USP34: variants seen among roughly 807,000 people sequenced by gnomAD.
The protein encoded by USP34 is ubiquitin specific peptidase 34.
In USP34, 70 loss-of-function variants were observed where a neutral mutation model predicts 460.3. The ratio of observed to expected loss-of-function variants is 0.15; its 90% CI spans 0.13 to 0.19. The LOEUF is 0.19. USP34 is among the 10% of genes least tolerant of loss of function. The pLI is 1.00. For synonymous variants in USP34, 1,647 were observed against 1,405.3 expected (o/e 1.17, Z -3.85); for missense variants, 3,985 against 4,236.2 (o/e 0.94, Z 1.65).
intron 43 of USP34, among the ~76,000 whole-genome samples, chr2:61,262,085 C>T (rs1177025803): frequency 1.9e-4 from 5 of 26,378 alleles, no homozygotes; most frequent in Non-Finnish European, 2.8e-4. Context: ...AGCAAGACTT[C>T]GTCAAAAAAA....
At chr2:61,422,292 G>T (rs140994705) in intron 1 of USP34, among the ~76,000 whole-genome samples, 1 of 152,292 alleles carries the variant, frequency 6.6e-6, no homozygotes, top group Non-Finnish European at 1.5e-5. Flanking sequence ...AAAACAGAGG[G>T]AAGAGTGGCT....
At position 61,187,510 on chromosome 2, in the gene USP34, AAT is replaced by A. The variant is rs1285768228; in HGVS notation, c.*590_*591del. ...TAATTAAGTGCACAGAATAGCAATC[AAT>A]CAATCAGTCATGTCAATAAAAATAA... On this transcript the variant is annotated 3_prime_UTR_variant, in exon 80 of 80. Coordinates refer to ENST00000398571, the MANE Select transcript of USP34 (RefSeq NM_014709.4). 2 of 980,486 alleles carry A rather than the reference AAT, an allele frequency of 2.0e-6. No individual in the cohort carries two copies. The highest frequency in any genetic ancestry group is 2.4e-6 in the Non-Finnish European group (2 of 827,662). The allele number at this position is 980,486 out of a possible 1,614,324, so 60.7% of individuals were successfully genotyped here. A position where few individuals can be genotyped will look rare whatever the true frequency, so the allele number is the denominator to read the frequency against.
intron 38 of USP34, among the ~76,000 whole-genome samples, chr2:61,280,871 G>A (rs1239544422): frequency 1.3e-5 from 2 of 152,120 alleles, no homozygotes; most frequent in Non-Finnish European, 2.9e-5. Context: ...GAGTATCCAT[G>A]AGAGACCACA....
At chr2:61,199,574 C>A (rs1686908964) in intron 75 of USP34, among the ~76,000 whole-genome samples, 1 of 152,198 alleles carries the variant, frequency 6.6e-6, no homozygotes, top group Admixed American at 6.5e-5. Flanking sequence ...AGTCTTTAAT[C>A]CTCCTGGTAT....
chr2:61,244,849 C>A (rs975400977), intron 51 of USP34, among the ~76,000 whole-genome samples: 1 of 151,748 alleles, frequency 6.6e-6, no homozygotes, highest in African/African-American at 2.4e-5. Flanking sequence ...AGAGAGACTC[C>A]CTTGTCAAAG....
chr2:61,206,969 T>C (rs1426418473), intron 70 of USP34, 83 bp from the exon 71 acceptor site: 27 of 1,439,716 alleles, frequency 1.9e-5, no homozygotes, highest in Middle Eastern at 4.1e-4. Flanking sequence ...TCCTCTACGA[T>C]AGATGTTTTC....
intron 27 of USP34, among the ~76,000 whole-genome samples, chr2:61,308,806 C>G (rs575354090): frequency 6.6e-6 from 1 of 152,148 alleles, no homozygotes; most frequent in Admixed American, 6.5e-5. Context: ...TTTGGGAGGC[C>G]TAAGTGGGCA....
chr2:61,405,793 T>G lies in USP34; in HGVS notation c.467A>C (p.Lys156Thr), dbSNP rs1558575851. ...FSLWSTDEKE[K>T]LLLCVAKIFQ... Reference sequence around the variant, plus strand: ...AATTTTTGCCACACATAGTAAGAGTTTTTCCTTCTCATCTGTACTCCATAA... The same window carrying G: ...AATTTTTGCCACACATAGTAAGAGTGTTTCCTTCTCATCTGTACTCCATAA... The change falls in exon 3 of 80, where the codon AAA becomes ACA. Residue 156 changes from lysine to threonine, a missense_variant. By Grantham distance (78) the Lys-to-Thr change is moderately conservative. Around this residue, in one of 14 missense-constraint regions of USP34, gnomAD observed 331 missense variants for 293.7 expected, o/e 1.13. Coordinates refer to ENST00000398571, the MANE Select transcript of USP34 (RefSeq NM_014709.4). 1.2e-6 allele frequency: 2 copies of G among 1,609,454 alleles called. No homozygotes were observed. The highest frequency in any genetic ancestry group is 1.7e-6 in the Non-Finnish European group (2 of 1,178,832).
At chr2:61,453,565 C>T (rs1316318753) in intron 1 of USP34, among the ~76,000 whole-genome samples, 1 of 151,626 alleles carries the variant, frequency 6.6e-6, no homozygotes, top group Non-Finnish European at 1.5e-5. Flanking sequence ...CAAAAATTAG[C>T]CAGGCATGGT....
At chr2:61,209,382 C>T (rs967987660) in intron 69 of USP34, among the ~76,000 whole-genome samples, 6 of 152,138 alleles carry the variant, frequency 3.9e-5, no homozygotes, top group African/African-American at 1.2e-4. Context: ...ATACTAAAAA[C>T]GTGTCAGCCT....
chr2:61,387,842 T>C (rs957144487), intron 5 of USP34, among the ~76,000 whole-genome samples: 11 of 149,756 alleles, frequency 7.3e-5, no homozygotes, highest in African/African-American at 2.2e-4. Context: ...TTTTTACGTA[T>C]ACACACATGT....
chr2:61,270,314 G>A (rs1467189752), intron 41 of USP34, among the ~76,000 whole-genome samples: 1 of 152,198 alleles, frequency 6.6e-6, no homozygotes, highest in African/African-American at 2.4e-5. Flanking sequence ...AAGACTCCGT[G>A]AATCAAAAAG....
intron 1 of USP34, among the ~76,000 whole-genome samples, chr2:61,469,333 T>C (rs1174364104): frequency 6.6e-6 from 1 of 152,206 alleles, no homozygotes; most frequent in Non-Finnish European, 1.5e-5. Flanking sequence ...GTATGTGAGA[T>C]ATAAAACACA....
chr2:61,379,646 G>A (rs556198855), intron 7 of USP34, among the ~76,000 whole-genome samples: 3 of 152,358 alleles, frequency 2.0e-5, no homozygotes, highest in Admixed American at 1.3e-4. Flanking sequence ...CTAACAGACT[G>A]TTGTTATGCA....
In USP34 at chr2:61,257,367, G is replaced by A. The variant is rs146155370; in HGVS notation, c.5845-17C>T. 19 of 1,551,420 alleles carry A rather than the reference G, an allele frequency of 1.2e-5. No individual in the cohort carries two copies. In the African/African-American group the frequency reaches 1.9e-4, roughly 16 times the overall value. On this transcript the variant is annotated splice_polypyrimidine_tract_variant and intron_variant, in intron 44 of 79. Transcript: ENST00000398571. ...TTCACTCTCCTGCAAATAAAAAGGG[G>A]AACATTCTAAGTGTCAGATAAAAAT...
chr2:61,465,822 A>G (rs1558611911), intron 1 of USP34, among the ~76,000 whole-genome samples: 1 of 151,796 alleles, frequency 6.6e-6, no homozygotes, highest in Non-Finnish European at 1.5e-5. Context: ...CTAAATATAC[A>G]AAAAATTAGC....
chr2:61,317,443 C>G lies in USP34; in HGVS notation c.3282+211G>C, dbSNP rs1690784584. On this transcript the variant is annotated intron_variant, in intron 23 of 79. Transcript: ENST00000398571. ...TTCGGGGGCTGAGGCTAGAGAATCT[C>G]TTGAATCTGGGAGGTGGAGGTTGCA... Among the ~76,000 whole-genome samples the G allele has an allele frequency of 2.0e-5, 3 of 152,158 alleles. No homozygotes were observed. In the South Asian group the frequency reaches 6.2e-4, roughly 31 times the overall value.
intron 21 of USP34, among the ~76,000 whole-genome samples, chr2:61,323,132 C>T (rs764919479): frequency 3.9e-5 from 6 of 152,148 alleles, no homozygotes; most frequent in Non-Finnish European, 8.8e-5. Flanking sequence ...GTAATCCTAG[C>T]ACTTTGGGAA....
intron 1 of USP34, among the ~76,000 whole-genome samples, chr2:61,428,188 A>C (rs1485177819): frequency 1.3e-5 from 2 of 151,626 alleles, no homozygotes; most frequent in African/African-American, 2.4e-5. Flanking sequence ...AAAACTTCCA[A>C]ATCTTAAACA....
Sources: allele counts gnomAD v4.1 joint callset (sites outside exome capture counted in the v4.1 genomes callset), GRCh38; gene constraint gnomAD v4.1.1; regional missense constraint gnomAD v4.1.1; transcripts MANE v1.5; gene names NCBI Gene and HGNC (gene_info 2026-07-23, HGNC 2026-07-21).